Variants in ASAH2B observed in about 807,000 individuals in gnomAD.
The protein encoded by ASAH2B is N-acylsphingosine amidohydrolase 2B, also known as putative inactive neutral ceramidase B.
A neutral mutation model predicts 2.9 loss-of-function variants in ASAH2B; 1 was observed. That is an observed-to-expected ratio of 0.34 (90% CI 0.12 to 1.63). ASAH2B has a LOEUF of 1.63. Among genes scored for constraint, ASAH2B ranks in the 40% most tolerant of loss-of-function variants. ASAH2B has a pLI of 0.36. For missense variants in ASAH2B, 9 were observed against 37.7 expected, an observed-to-expected ratio of 0.24 and a Z score of 1.99; for synonymous variants, 4 against 13.3, an observed-to-expected ratio of 0.30 and a Z score of 1.52.
intron 1 of ASAH2B, among the ~76,000 whole-genome samples, chr10:50,742,202 T>C (rs1337847279): frequency 2.0e-5 from 3 of 152,106 alleles, no homozygotes; most frequent in Non-Finnish European, 4.4e-5. Flanking sequence ...TAGGAGAAAG[T>C]AAGACAGGAA....
In ASAH2B at chr10:50,756,575, T is replaced by C. The variant is rs1291824586; in HGVS notation, c.*1835T>C. The C allele has an allele frequency of 3.9e-5, 6 of 152,108 alleles. No homozygotes were observed. The highest frequency in any genetic ancestry group is 1.4e-4 in the African/African-American group (6 of 41,564). 9.4% of individuals were successfully genotyped at this position (152,108 alleles called of 1,614,324 possible). ...TTTCCACTACCTCTATTCCTTCTAT[T>C]GAAGCTTTCCTCAAATCTACTTGTG... On this transcript the variant is annotated 3_prime_UTR_variant, in exon 6 of 6. Transcript: ENST00000647317.
In ASAH2B at chr10:50,757,462, C is replaced by T. The variant is rs1444519154; in HGVS notation, c.*2722C>T. 1 of 150,472 alleles carries T rather than the reference C, an allele frequency of 6.6e-6. No individual in the cohort carries two copies. The highest frequency in any genetic ancestry group is 2.0e-4 in the East Asian group (1 of 5,034). 9.3% of individuals were successfully genotyped at this position (150,472 alleles called of 1,614,324 possible). ...AAAAATTTCCTAGGCAGGTAGCTAA[C>T]TATGAAATTGTTTCCTGCGCTAATT... On this transcript the variant is annotated 3_prime_UTR_variant, in exon 6 of 6. Coordinates refer to ENST00000647317, the MANE Select transcript of ASAH2B (RefSeq NM_001321958.2).
chr10:50,744,351 T>G (rs1159185957), intron 2 of ASAH2B, among the ~76,000 whole-genome samples: 2 of 151,674 alleles, frequency 1.3e-5, no homozygotes, highest in African/African-American at 4.9e-5. Context: ...ACTAGCTATG[T>G]GATCTTGAAA....
rs915413299 is a variant in ASAH2B at position 50,758,993 on chromosome 10, G to T, written c.*4253G>T. The T allele has an allele frequency of 6.8e-6, 1 of 146,044 alleles. No individual in the cohort carries two copies. The highest frequency in any genetic ancestry group is 1.5e-5 in the Non-Finnish European group (1 of 65,040). 9.0% of individuals were successfully genotyped at this position (146,044 alleles called of 1,614,324 possible). ...AGCTAGAAGGAAGGCAATGGTGTGT[G>T]CATGTATGTGTGTATTAGTTTGTGT... On this transcript the variant is annotated 3_prime_UTR_variant, in exon 6 of 6. Coordinates refer to ENST00000647317, the MANE Select transcript of ASAH2B (RefSeq NM_001321958.2).
rs1288443029 is a variant in ASAH2B, at chr10:50,757,553, TCTC to T, written c.*2818_*2820del. 1 of 147,166 alleles carries T rather than the reference TCTC, an allele frequency of 6.8e-6. No homozygotes were observed. The highest frequency in any genetic ancestry group is 2.5e-5 in the African/African-American group (1 of 40,690). 9.1% of individuals were successfully genotyped at this position (147,166 alleles called of 1,614,324 possible). On this transcript the variant is annotated 3_prime_UTR_variant, in exon 6 of 6. Coordinates refer to ENST00000647317, the MANE Select transcript of ASAH2B (RefSeq NM_001321958.2). ...CTTTTCTAATGTGCCCTCTTATGCT[TCTC>T]CTCCAATGTAAGCAAGCTTACTGTC...
At position 50,756,370 on chromosome 10, in the gene ASAH2B, G is replaced by C. The variant is rs1220984558; in HGVS notation, c.*1630G>C. On this transcript the variant is annotated 3_prime_UTR_variant, in exon 6 of 6. Coordinates refer to ENST00000647317, the MANE Select transcript of ASAH2B (RefSeq NM_001321958.2). ...TAACTGCTGGAGGATTAGGTAATCA[G>C]GGATTCCAAGTGTTGTGATCTTTTT... 6.6e-6 allele frequency: 1 copy of C among 151,684 alleles called. No homozygotes were observed. The highest frequency in any genetic ancestry group is 1.5e-5 in the Non-Finnish European group (1 of 67,746). 9.4% of individuals were successfully genotyped at this position (151,684 alleles called of 1,614,324 possible). A position where few individuals can be genotyped will look rare whatever the true frequency, so the allele number is the denominator to read the frequency against.
In ASAH2B at chr10:50,759,125, A is replaced by G. The variant is rs1192252386; in HGVS notation, c.*4385A>G. Reference sequence around the variant, plus strand: ...AGGAAAGAGTTGACAGTGAGGCAGCACCAAACTTTACCTTCATAAATAGCA... The same window carrying G: ...AGGAAAGAGTTGACAGTGAGGCAGCGCCAAACTTTACCTTCATAAATAGCA... On this transcript the variant is annotated 3_prime_UTR_variant, in exon 6 of 6. Transcript: ENST00000647317. 5 of 141,272 alleles carry G rather than the reference A, an allele frequency of 3.5e-5. No homozygotes were observed. The highest frequency in any genetic ancestry group is 8.0e-5 in the Non-Finnish European group (5 of 62,882). 8.8% of individuals were successfully genotyped at this position (141,272 alleles called of 1,614,324 possible). A position where few individuals can be genotyped will look rare whatever the true frequency, so the allele number is the denominator to read the frequency against.
At chr10:50,743,061 T>C (rs1358096732) in intron 2 of ASAH2B, 51 bp downstream of exon 2, 28 of 1,565,874 alleles carry the variant, frequency 1.8e-5, no homozygotes, top group Non-Finnish European at 2.5e-5. Flanking sequence ...TGTGTGTGTA[T>C]GTCTGTATGT....
intron 1 of ASAH2B, 145 bp downstream of exon 1, chr10:50,740,128 C>G (rs1291372378): frequency 6.6e-6 from 1 of 152,268 alleles, no homozygotes; most frequent in Non-Finnish European, 1.5e-5. Flanking sequence ...TCACCTTTAA[C>G]GGAGGCGTGC....
chr10:50,748,810 C>T (rs1420078349), intron 3 of ASAH2B, among the ~76,000 whole-genome samples: 1 of 150,946 alleles, frequency 6.6e-6, no homozygotes, highest in African/African-American at 2.5e-5. Flanking sequence ...TCTTGTTTGT[C>T]TGCTGCCACT....
At chr10:50,742,635 A>C (rs563213732) in intron 1 of ASAH2B, among the ~76,000 whole-genome samples, 1 of 152,230 alleles carries the variant, frequency 6.6e-6, no homozygotes, top group South Asian at 2.1e-4. Context: ...TAATAGACTA[A>C]AGCTTAGGAG....
chr10:50,756,795 A>C lies in ASAH2B; in HGVS notation c.*2055A>C, dbSNP rs994520568. On this transcript the variant is annotated 3_prime_UTR_variant, in exon 6 of 6. Coordinates refer to ENST00000647317, the MANE Select transcript of ASAH2B (RefSeq NM_001321958.2). ...AAAACCAAATTCCTGGATTATCAATATCAGTTCTTTACCTGTGCATAAAAG... is the reference window on the plus strand; with the variant it reads ...AAAACCAAATTCCTGGATTATCAATCTCAGTTCTTTACCTGTGCATAAAAG... 6.6e-6 allele frequency: 1 copy of C among 151,908 alleles called. No homozygotes were observed. The highest frequency in any genetic ancestry group is 2.4e-5 in the African/African-American group (1 of 41,532). The allele number at this position is 151,908 out of a possible 1,614,324, so 9.4% of individuals were successfully genotyped here.
intron 1 of ASAH2B, among the ~76,000 whole-genome samples, chr10:50,741,741 T>C (rs1449215991): frequency 1.3e-5 from 2 of 152,090 alleles, no homozygotes; most frequent in African/African-American, 2.4e-5. Flanking sequence ...GGTTAGCTGA[T>C]GGATAGTCTT....
In ASAH2B at chr10:50,757,267, A is replaced by C. The variant is rs1055750364; in HGVS notation, c.*2527A>C. The C allele has an allele frequency of 6.6e-6, 1 of 151,742 alleles. No homozygotes were observed. The highest frequency in any genetic ancestry group is 6.6e-5 in the Admixed American group (1 of 15,198). The allele number at this position is 151,742 out of a possible 1,614,324, so 9.4% of individuals were successfully genotyped here. Reference sequence around the variant, plus strand: ...GGTGGAACAAAAGGTGGTAGATTACATGTAAATTAGGTTGGAAAGTGATAC... The same window carrying C: ...GGTGGAACAAAAGGTGGTAGATTACCTGTAAATTAGGTTGGAAAGTGATAC... On this transcript the variant is annotated 3_prime_UTR_variant, in exon 6 of 6. Transcript: ENST00000647317.
At chr10:50,754,286 C>T (rs1431348700) in intron 5 of ASAH2B, among the ~76,000 whole-genome samples, 1 of 138,036 alleles carries the variant, frequency 7.2e-6, no homozygotes, top group Non-Finnish European at 1.6e-5. Flanking sequence ...GGTAAGGTTT[C>T]CTGGGGTGAG....
rs1428855749 is a variant in ASAH2B at position 50,757,283 on chromosome 10, A to C, written c.*2543A>C. ...GTAGATTACATGTAAATTAGGTTGG[A>C]AAGTGATACAAATGACTTGTAAATA... is the stretch of plus-strand genomic sequence containing the variant. On this transcript the variant is annotated 3_prime_UTR_variant, in exon 6 of 6. Coordinates refer to ENST00000647317, the MANE Select transcript of ASAH2B (RefSeq NM_001321958.2). 1 of 151,690 alleles carries C rather than the reference A, an allele frequency of 6.6e-6. No homozygotes were observed. Among genetic ancestry groups the C allele is most frequent in the Non-Finnish European group, 1.5e-5 (1 of 67,730 alleles). The allele number at this position is 151,690 out of a possible 1,614,324, so 9.4% of individuals were successfully genotyped here. A position where few individuals can be genotyped will look rare whatever the true frequency, so the allele number is the denominator to read the frequency against.
At position 50,757,182 on chromosome 10, in the gene ASAH2B, C is replaced by A. The variant is rs1160506941; in HGVS notation, c.*2442C>A. ...TTAATAATAAATTAAGAATTACACT[C>A]ATAAAAGTATTGTCTAATGAAAGGT... On this transcript the variant is annotated 3_prime_UTR_variant, in exon 6 of 6. Transcript: ENST00000647317. 2.6e-5 allele frequency: 4 copies of A among 151,292 alleles called. No homozygotes were observed. The highest frequency in any genetic ancestry group is 9.7e-5 in the African/African-American group (4 of 41,244). The allele number at this position is 151,292 out of a possible 1,614,324, so 9.4% of individuals were successfully genotyped here. A position where few individuals can be genotyped will look rare whatever the true frequency, so the allele number is the denominator to read the frequency against.
At chr10:50,742,486 G>A (rs1015929542) in intron 1 of ASAH2B, among the ~76,000 whole-genome samples, 16 of 152,190 alleles carry the variant, frequency 1.1e-4, no homozygotes, top group Non-Finnish European at 1.9e-4. Flanking sequence ...TCAATTTCAT[G>A]GCTTTGTGAT....
At chr10:50,748,829 A>C (rs1839944601) in intron 3 of ASAH2B, among the ~76,000 whole-genome samples, 1 of 150,924 alleles carries the variant, frequency 6.6e-6, no homozygotes. Flanking sequence ...CTCAAATATC[A>C]CTGTCTTTCT....
Sources: gnomAD v4.1 joint callset for allele counts (sites outside exome capture counted in the v4.1 genomes callset) on GRCh38, gnomAD v4.1.1 for gene constraint, MANE v1.5 for transcripts, NCBI Gene and HGNC (gene_info 2026-07-23, HGNC 2026-07-21) for gene names.